NCAM2: variants seen among roughly 807,000 people sequenced by gnomAD.
NCAM2 encodes neural cell adhesion molecule 2, also known as N-CAM-2.
In NCAM2, 30 loss-of-function variants were observed where a neutral mutation model predicts 98.1. That is an observed-to-expected ratio of 0.31 (90% confidence interval 0.23 to 0.41). The LOEUF is 0.41. Ranked by LOEUF, NCAM2 falls within the 10% of genes least tolerant of loss-of-function variation. NCAM2 has a pLI of 1.00. For missense variants in NCAM2, 867 were observed against 1,005.8 expected (o/e 0.86, Z 1.87); for synonymous variants, 368 against 342.4 (o/e 1.07, Z -0.83).
At chr21:21,302,520 C>G (rs1034047971) in intron 5 of NCAM2, among the ~76,000 whole-genome samples, 3 of 151,986 alleles carry the variant, frequency 2.0e-5, no homozygotes, top group Admixed American at 2.0e-4. Context: ...CATCACTAAT[C>G]ATCAGATAGA....
chr21:21,060,834 C>A (rs1205731271), intron 1 of NCAM2, among the ~76,000 whole-genome samples: 1 of 152,066 alleles, frequency 6.6e-6, no homozygotes, highest in Non-Finnish European at 1.5e-5. Context: ...AGAGAAAAGT[C>A]TTGGTTGATG....
At chr21:21,016,746 TA>T (rs1159607353) in intron 1 of NCAM2, among the ~76,000 whole-genome samples, 2 of 152,272 alleles carry the variant, frequency 1.3e-5, no homozygotes, top group South Asian at 2.1e-4. Context: ...TATTATTATT[TA>T]AAAAGGTTTT....
chr21:21,193,260 A>G (rs1264895474), intron 1 of NCAM2, among the ~76,000 whole-genome samples: 1 of 152,056 alleles, frequency 6.6e-6, no homozygotes, highest in Non-Finnish European at 1.5e-5. Flanking sequence ...TTGGTATTTT[A>G]TTAGATTATT....
At chr21:21,311,062 T>TAGC (rs1413395415) in intron 5 of NCAM2, among the ~76,000 whole-genome samples, 4 of 152,212 alleles carry the variant, frequency 2.6e-5, no homozygotes, top group Non-Finnish European at 1.5e-5. Flanking sequence ...GTTCTAGAAA[T>TAGC]TATAATTTAT....
At chr21:21,361,773 T>C (rs2075652535) in intron 8 of NCAM2, among the ~76,000 whole-genome samples, 1 of 152,180 alleles carries the variant, frequency 6.6e-6, no homozygotes, top group African/African-American at 2.4e-5. Flanking sequence ...TGTACTTCTT[T>C]TTCCCCTTGA....
intron 1 of NCAM2, among the ~76,000 whole-genome samples, chr21:21,276,913 T>G (rs1481502740): frequency 6.6e-6 from 1 of 152,068 alleles, no homozygotes; most frequent in Non-Finnish European, 1.5e-5. Flanking sequence ...ATTAACCAGA[T>G]GTTTAATATA....
chr21:21,335,744 CTATT>C (rs926970848), intron 7 of NCAM2, 79 bp downstream of exon 7: 40 of 1,133,966 alleles, frequency 3.5e-5, no homozygotes, highest in Admixed American at 9.8e-5. Flanking sequence ...ATCATTTGAA[CTATT>C]TAAACTTTCC....
intron 12 of NCAM2, among the ~76,000 whole-genome samples, chr21:21,435,062 A>C (rs181166968): frequency 6.6e-6 from 1 of 152,276 alleles, no homozygotes; most frequent in Non-Finnish European, 1.5e-5. Context: ...CAGAATATTC[A>C]TCATGGGGTG....
At chr21:21,252,632 C>A (rs113232689) in intron 1 of NCAM2, among the ~76,000 whole-genome samples, 1 of 152,136 alleles carries the variant, frequency 6.6e-6, no homozygotes, top group African/African-American at 2.4e-5. Flanking sequence ...TATCAAGCAG[C>A]TAAACAAATG....
At chr21:21,471,020 G>T (rs1301877254) in intron 14 of NCAM2, among the ~76,000 whole-genome samples, 2 of 151,546 alleles carry the variant, frequency 1.3e-5, no homozygotes, top group Non-Finnish European at 2.9e-5. Context: ...CCAATGGAAA[G>T]TTAGAGAATT....
At chr21:21,439,353 A>G (rs1393099580) in intron 12 of NCAM2, among the ~76,000 whole-genome samples, 1 of 152,252 alleles carries the variant, frequency 6.6e-6, no homozygotes, top group Admixed American at 6.5e-5. Context: ...TCCTGACCTC[A>G]GGTGATCCAA....
At chr21:21,470,841 C>T (rs571756067) in intron 14 of NCAM2, among the ~76,000 whole-genome samples, 3 of 152,094 alleles carry the variant, frequency 2.0e-5, no homozygotes, top group East Asian at 3.9e-4. Context: ...ATCATTTTAA[C>T]AGGGGACATT....
At chr21:21,023,811 A>G (rs1013800368) in intron 1 of NCAM2, among the ~76,000 whole-genome samples, 1 of 152,138 alleles carries the variant, frequency 6.6e-6, no homozygotes, top group African/African-American at 2.4e-5. Context: ...CATTTATTGT[A>G]TATATATTTA....
At chr21:21,066,948 C>T (rs1021218295) in intron 1 of NCAM2, among the ~76,000 whole-genome samples, 8 of 151,956 alleles carry the variant, frequency 5.3e-5, no homozygotes, top group African/African-American at 1.9e-4. Flanking sequence ...ATACTCATTC[C>T]ACTGGGGGTA....
chr21:21,045,946 G>A (rs141654399), intron 1 of NCAM2, among the ~76,000 whole-genome samples: 105 of 152,242 alleles, frequency 6.9e-4, no homozygotes, highest in African/African-American at 2.5e-3. Flanking sequence ...AACTTCTGGA[G>A]CCACACTGCC....
At chr21:21,232,734 A>C (rs2070678577) in intron 1 of NCAM2, among the ~76,000 whole-genome samples, 1 of 151,608 alleles carries the variant, frequency 6.6e-6, no homozygotes, top group Admixed American at 6.6e-5. Context: ...TTTTAAAATT[A>C]TTTTCTGGTG....
intron 1 of NCAM2, among the ~76,000 whole-genome samples, chr21:21,261,221 C>G (rs137898593): frequency 5.3e-4 from 81 of 152,134 alleles, no homozygotes; most frequent in African/African-American, 1.9e-3. Flanking sequence ...ACTACTACAC[C>G]TAAGAGACAG....
chr21:21,356,976 C>G (rs1339758661), intron 8 of NCAM2, among the ~76,000 whole-genome samples: 2 of 136,762 alleles, frequency 1.5e-5, no homozygotes, highest in African/African-American at 5.8e-5. Flanking sequence ...GAAACAAGAG[C>G]GAAACTCCAT....
At chr21:21,241,032 A>G (rs1341798961) in intron 1 of NCAM2, among the ~76,000 whole-genome samples, 1 of 152,192 alleles carries the variant, frequency 6.6e-6, no homozygotes, top group Non-Finnish European at 1.5e-5. Context: ...ATATGACAAT[A>G]TCATAGTGAT....
Sources: gnomAD v4.1 joint callset for allele counts (sites outside exome capture counted in the v4.1 genomes callset) on GRCh38, gnomAD v4.1.1 for gene constraint, MANE v1.5 for transcripts, NCBI Gene and HGNC (gene_info 2026-07-23, HGNC 2026-07-21) for gene names.